Variants in BBS7 observed in about 807,000 individuals in gnomAD.
BBS7 encodes the protein BBSome complex member BBS7.
Under a neutral mutation model 90.3 loss-of-function variants are expected in BBS7, and 50 were observed. The observed-to-expected ratio is 0.55, with a 90% confidence interval of 0.44 to 0.70. The LOEUF is 0.70. BBS7 is among the 30% of genes least tolerant of loss of function. BBS7 has a pLI of 0.00. For missense variants in BBS7, 729 were observed against 838.9 expected, an observed-to-expected ratio of 0.87 and a Z score of 1.62; for synonymous variants, 235 against 287.4, an observed-to-expected ratio of 0.82 and a Z score of 1.85.
chr4:121,855,546 A>C lies in BBS7; in HGVS notation c.544T>G (p.Tyr182Asp). 1 of 1,613,544 alleles carries C rather than the reference A, an allele frequency of 6.2e-7. No individual in the cohort carries two copies. Among genetic ancestry groups the C allele is most frequent in the Non-Finnish European group, 8.5e-7 (1 of 1,179,600 alleles). ...LRVLQGSDVM[Y>D]AVEVPGPPTV... is the part of the protein sequence containing the mutation. ...GGGGGTCCAGGAACTTCAACTGCAT[A>C]CATCACATCAGATCCCTGAAGGAGA... Residue 182 changes from tyrosine (Y) to aspartate (D), a missense_variant, in exon 6 of 19, where the codon TAT (tyrosine) becomes GAT (aspartate). By Grantham distance (160) the Tyr-to-Asp change is radical. Coordinates refer to ENST00000264499, the MANE Select transcript of BBS7 (RefSeq NM_176824.3).
intron 10 of BBS7, among the ~76,000 whole-genome samples, 162 bp downstream of exon 10, chr4:121,847,242 C>T (rs1339530162): frequency 2.6e-5 from 4 of 152,148 alleles, no homozygotes; most frequent in Non-Finnish European, 4.4e-5. Context: ...TCAGCACTTA[C>T]GCTAATTTTC....
intron 13 of BBS7, among the ~76,000 whole-genome samples, chr4:121,838,013 A>G (rs1016810642): frequency 6.6e-6 from 1 of 152,036 alleles, no homozygotes; most frequent in African/African-American, 2.4e-5. Context: ...CTGAGGCACG[A>G]AAATCACTTG....
intron 15 of BBS7, among the ~76,000 whole-genome samples, chr4:121,829,231 A>C (rs978887701): frequency 2.9e-5 from 4 of 139,900 alleles, no homozygotes; most frequent in Non-Finnish European, 3.1e-5. Flanking sequence ...GAGGACCATT[A>C]TTTTTCTTTT....
intron 10 of BBS7, among the ~76,000 whole-genome samples, chr4:121,846,002 A>G (rs1286513504): frequency 1.3e-5 from 2 of 152,236 alleles, no homozygotes; most frequent in Admixed American, 1.3e-4. Context: ...ACAGTTACAT[A>G]AAGTACTAAT....
In BBS7 at chr4:121,863,218, G is replaced by A; in HGVS notation, c.164C>T (p.Ala55Val). 1 of 1,613,464 alleles carries A rather than the reference G, an allele frequency of 6.2e-7. No individual in the cohort carries two copies. Among genetic ancestry groups the A allele is most frequent in the African/African-American group, 1.3e-5 (1 of 74,978 alleles). ...TCCCCTTCACAAAGCTATACTTACT[G>A]CTGCTTCTCCTTTCTTCATGCCAAA... ...MCFGMKKGEA[A>V]AVFKTLPGPK... Residue 55 changes from alanine to valine, a missense_variant and splice_region_variant, in exon 3 of 19, where the codon GCA becomes GTA. Transcript: ENST00000264499.
intron 13 of BBS7, among the ~76,000 whole-genome samples, chr4:121,838,452 T>A (rs1322396127): frequency 6.6e-6 from 1 of 151,792 alleles, no homozygotes; most frequent in African/African-American, 2.4e-5. Flanking sequence ...AATAGGTCTA[T>A]CAAAACTAAT....
rs749970544 is a variant in BBS7 at position 121,852,966 on chromosome 4, C to T, written c.839G>A (p.Arg280Gln). The change falls in exon 8 of 19, where the codon CGA (arginine) becomes CAA (glutamine). Residue 280 changes from arginine to glutamine, a missense_variant. Transcript: ENST00000264499. ...TTTTAATGAACTTACCTGATCAAAT[C>T]GTAGAACAGGTTCATTTGCATTATC... is the stretch of plus-strand genomic sequence containing the variant. Reference protein sequence around the residue: ...SFDNANEPVLRFDQMLSESVT... With the variant: ...SFDNANEPVLQFDQMLSESVT... The T allele has an allele frequency of 6.8e-5, 109 of 1,613,372 alleles. No individual in the cohort carries two copies. In the Admixed American group the frequency reaches 1.2e-3, roughly 18 times the overall value.
Position 121,828,662 on chromosome 4 carries a change from A to C in BBS7, c.1743T>G (p.Ser581=). The C allele has an allele frequency of 1.2e-6, 2 of 1,610,638 alleles. No homozygotes were observed. The highest frequency in any genetic ancestry group is 1.7e-6 in the Non-Finnish European group (2 of 1,177,420). ...TAATTTTCCTTTTTGTAGCTTCTTT[A>C]GAAAGCACATCTTTTAGGATGGAGA... ...STISILKDVL[S]KEATKRKINL... is the part of the protein sequence containing the mutation. The change falls in exon 16 of 19, where the codon TCT becomes TCG. Residue 581 remains serine, a synonymous_variant. Transcript: ENST00000264499.
intron 1 of BBS7, 75 bp downstream of exon 1, chr4:121,870,203 G>C: frequency 6.3e-7 from 1 of 1,594,170 alleles, no homozygotes; most frequent in Non-Finnish European, 8.6e-7. Context: ...CGAGACTTTC[G>C]TCAGTGGAAG....
intron 12 of BBS7, among the ~76,000 whole-genome samples, chr4:121,843,397 T>C (rs1725841295): frequency 6.6e-6 from 1 of 152,156 alleles, no homozygotes; most frequent in South Asian, 2.1e-4. Flanking sequence ...GATAAGGGCC[T>C]GGACTAAGTT....
Position 121,825,784 on chromosome 4 carries a change from C to G in BBS7, c.*76G>C. On this transcript the variant is annotated 3_prime_UTR_variant, in exon 19 of 19. Coordinates refer to ENST00000264499, the MANE Select transcript of BBS7 (RefSeq NM_176824.3). ...AGCATTTGAAATTAAAGTACATACA[C>G]AGTTAACTTCTAATTCTCTTTTAAC... 1 of 1,466,332 alleles carries G rather than the reference C, an allele frequency of 6.8e-7. No homozygotes were observed. Among genetic ancestry groups the G allele is most frequent in the Non-Finnish European group, 9.4e-7 (1 of 1,059,184 alleles). The allele number at this position is 1,466,332 out of a possible 1,614,324, so 90.8% of individuals were successfully genotyped here.
intron 6 of BBS7, 35 bp from the exon 7 acceptor site, chr4:121,854,855 C>T: frequency 6.4e-7 from 1 of 1,565,448 alleles, no homozygotes; most frequent in Non-Finnish European, 8.8e-7. Flanking sequence ...TTATATTTAT[C>T]CTACAATTAG....
In BBS7 at chr4:121,833,342, G is replaced by A; in HGVS notation, c.1565C>T (p.Ser522Phe). The change falls in exon 15 of 19, where the codon TCC becomes TTC. Residue 522 changes from serine to phenylalanine, a missense_variant. Physicochemically the swap from Ser to Phe is radical, Grantham distance 155 (BLOSUM62 -2). Transcript: ENST00000264499. The stretch of plus-strand genomic sequence containing the variant: ...TTCAGGCAGACAAAAAACCACCCAG[G>A]AGTGAACTTCAGCAAAACTGAACTG... ...TGQFSFAEVHSWVVFCLPEVP... is the reference protein window; with the variant it reads ...TGQFSFAEVHFWVVFCLPEVP... 1 of 1,614,036 alleles carries A rather than the reference G, an allele frequency of 6.2e-7. No homozygotes were observed. Among genetic ancestry groups the A allele is most frequent in the Non-Finnish European group, 8.5e-7 (1 of 1,179,952 alleles).
At chr4:121,868,171 A>G in intron 1 of BBS7, 125 bp from the exon 2 acceptor site, 1 of 782,972 alleles carries the variant, frequency 1.3e-6, no homozygotes, top group Non-Finnish European at 2.2e-6. Flanking sequence ...TAATTAATTT[A>G]TTTTCTAATG....
chr4:121,842,934 G>A (rs1227172507), intron 12 of BBS7, among the ~76,000 whole-genome samples: 5 of 152,182 alleles, frequency 3.3e-5, no homozygotes, highest in Admixed American at 6.5e-5. Flanking sequence ...TACTGTGCAC[G>A]TTAAGTGCTC....
intron 2 of BBS7, 31 bp from the exon 3 acceptor site, chr4:121,863,310 CTAT>C: frequency 6.5e-7 from 1 of 1,543,530 alleles, no homozygotes; most frequent in Non-Finnish European, 9.0e-7. Context: ...TCTAAAATTA[CTAT>C]TATTAATATT....
At chr4:121,862,896 T>C (rs1389024617) in intron 3 of BBS7, among the ~76,000 whole-genome samples, 2 of 152,230 alleles carry the variant, frequency 1.3e-5, no homozygotes. Context: ...AAATTGCAGC[T>C]GTGTGAAACC....
At chr4:121,858,877 C>T in intron 5 of BBS7, 115 bp downstream of exon 5, 1 of 955,928 alleles carries the variant, frequency 1.0e-6, no homozygotes, top group African/African-American at 1.7e-5. Flanking sequence ...AAATTGTTTC[C>T]ACATGTTTAT....
chr4:121,855,384 G>C, intron 6 of BBS7, 105 bp downstream of exon 6: 1 of 1,094,650 alleles, frequency 9.1e-7, no homozygotes, highest in Admixed American at 1.7e-5. Flanking sequence ...CAAGTTACCA[G>C]AAAGACAACT....
Sources: allele counts gnomAD v4.1 joint callset (sites outside exome capture counted in the v4.1 genomes callset), GRCh38; gene constraint gnomAD v4.1.1; transcripts MANE v1.5; gene names NCBI Gene and HGNC (gene_info 2026-07-23, HGNC 2026-07-21).